PHRF1: variants seen among roughly 807,000 people sequenced by gnomAD.
The protein encoded by PHRF1 is PHD and ring finger domains 1.
A neutral mutation model predicts 128.9 loss-of-function variants in PHRF1; 53 were observed. The observed-to-expected ratio is 0.41, with a 90% CI of 0.33 to 0.52. The LOEUF is 0.52. Ranked by LOEUF, PHRF1 falls within the 20% of genes least tolerant of loss-of-function variation. The pLI is 0.21. For synonymous variants in PHRF1, 1,178 were observed against 980.6 expected (o/e 1.20, Z -3.76); for missense variants, 2,503 against 2,284.5 (o/e 1.10, Z -1.95).
Position 598,660 on chromosome 11 carries a change from C to G in PHRF1, c.1024+158C>G, listed in dbSNP as rs1007280335. Among the ~76,000 whole-genome samples the G allele has an allele frequency of 3.3e-5, 5 of 152,196 alleles. No homozygotes were observed. In the South Asian group the frequency reaches 6.2e-4, roughly 19 times the overall value. ...CACTACACAGAAGCCGCGCCGGGCC[C>G]GGGAGGTGTGGGTCTGATGTGCCGA... is the stretch of plus-strand genomic sequence containing the variant. On this transcript the variant is annotated intron_variant, in intron 9 of 17. Transcript: ENST00000264555.
intron 4 of PHRF1, among the ~76,000 whole-genome samples, chr11:590,024 G>A (rs1248372292): frequency 2.0e-5 from 3 of 150,998 alleles, no homozygotes; most frequent in Non-Finnish European, 4.4e-5. Context: ...GTCTGTAAAC[G>A]GGCATGGAGC....
chr11:581,846 A>T, intron 2 of PHRF1, 116 bp from the exon 3 acceptor site: 4 of 1,406,352 alleles, frequency 2.8e-6, no homozygotes, highest in South Asian at 3.0e-5. Flanking sequence ...GCCCTGGGGA[A>T]GCCGTTAGCC....
chr11:608,560 C>T lies in PHRF1; in HGVS notation c.3104C>T (p.Pro1035Leu), dbSNP rs1856115183. 2.5e-6 allele frequency: 4 copies of T among 1,612,330 alleles called. No individual in the cohort carries two copies. The highest frequency in any genetic ancestry group is 1.3e-5 in the African/African-American group (1 of 75,044). The change falls in exon 14 of 18, where the codon CCA (proline) becomes CTA (leucine). Residue 1035 changes from proline to leucine, a missense_variant. By Grantham distance (98) the Pro-to-Leu change is moderately conservative. Coordinates refer to ENST00000264555, the MANE Select transcript of PHRF1 (RefSeq NM_001286581.2). ...GACAGGAGCTCGAGGTCAGCGTCAC[C>T]ATCAGTGGGTGAGGAGCGCCCCAGG... is the stretch of plus-strand genomic sequence containing the variant. ...SRDRSSRSAS[P>L]SVGEERPRRQ...
chr11:592,546 G>A lies in PHRF1; in HGVS notation c.505-13G>A, dbSNP rs190497170. The A allele has an allele frequency of 1.1e-5, 17 of 1,613,216 alleles. No individual in the cohort carries two copies. Among genetic ancestry groups the A allele is most frequent in the African/African-American group, 4.0e-5 (3 of 75,048 alleles). ...TGGGTCCTGTGTGGTGGTGACCGAC[G>A]ATTCTGTCCTAGATCCCAGTGGAGA... On this transcript the variant is annotated splice_polypyrimidine_tract_variant and intron_variant, in intron 5 of 17. Transcript: ENST00000264555.
Position 611,080 on chromosome 11 carries a change from A to G in PHRF1, c.4804A>G (p.Lys1602Glu). 1 of 1,612,720 alleles carries G rather than the reference A, an allele frequency of 6.2e-7. No individual in the cohort carries two copies. Among genetic ancestry groups the G allele is most frequent in the Non-Finnish European group, 8.5e-7 (1 of 1,179,636 alleles). The change falls in exon 17 of 18, where the codon AAG (lysine) becomes GAG (glutamate). Residue 1602 changes from lysine to glutamate, a missense_variant and splice_region_variant. Coordinates refer to ENST00000264555, the MANE Select transcript of PHRF1 (RefSeq NM_001286581.2). ...YKDILRKAVQ[K>E]ICHSKSGEIN... ...GGACATCCTGCGCAAGGCCGTGCAG[A>G]AGGTGGGCTGTGTGCGAGCCTGTGT...
rs941274077 is a variant in PHRF1 at position 610,443 on chromosome 11, C to G, written c.4417-58C>G. The G allele has an allele frequency of 1.9e-6, 3 of 1,564,374 alleles. No homozygotes were observed. In the African/African-American group the frequency reaches 4.1e-5, roughly 21 times the overall value. On this transcript the variant is annotated intron_variant, in intron 15 of 17. Coordinates refer to ENST00000264555, the MANE Select transcript of PHRF1 (RefSeq NM_001286581.2). ...AGGCTGGGGCTGAGGCCTCACAGCT[C>G]CTGGGCACAGAGCTGCTAGCTGTAG...
chr11:586,350 C>A (rs534906143), intron 3 of PHRF1, among the ~76,000 whole-genome samples: 3 of 152,354 alleles, frequency 2.0e-5, no homozygotes, highest in African/African-American at 7.2e-5. Context: ...CTGCTGCCTC[C>A]CTCGCAGCTC....
intron 8 of PHRF1, 121 bp from the exon 9 acceptor site, chr11:598,252 G>T: frequency 7.5e-7 from 1 of 1,333,428 alleles, no homozygotes; most frequent in Non-Finnish European, 9.9e-7. Flanking sequence ...AGTGGCGGGT[G>T]GGGAGGCTGT....
At chr11:610,848 G>C (rs1856339346) in intron 16 of PHRF1, 87 bp downstream of exon 16, 1 of 1,581,700 alleles carries the variant, frequency 6.3e-7, no homozygotes. Flanking sequence ...GGCGGAAGCT[G>C]GTCGCTGTGC....
rs1261148937 is a variant in PHRF1 at position 591,428 on chromosome 11, T to C, written c.465T>C (p.Ile155=). 6.2e-7 allele frequency: 1 copy of C among 1,609,842 alleles called. No individual in the cohort carries two copies. ...TTGATCGAACTCTATTTAAGTGCAT[T>C]TGTATTCGAGCTCAATTTGGTGGTA... The part of the protein sequence containing the change: ...CPVDRTLFKC[I]CIRAQFGGKI... Residue 155 remains isoleucine (I), a synonymous_variant, in exon 5 of 18, where the codon ATT becomes ATC. Transcript: ENST00000264555.
intron 6 of PHRF1, among the ~76,000 whole-genome samples, chr11:596,151 C>G (rs1265941606): frequency 6.6e-6 from 1 of 152,182 alleles, no homozygotes; most frequent in African/African-American, 2.4e-5. Context: ...AAATCATCAG[C>G]TTGACTCCCT....
rs751728744 is a variant in PHRF1, at chr11:609,018, C to T, written c.3562C>T (p.Arg1188Trp). The change falls in exon 14 of 18, where the codon CGG becomes TGG. Residue 1188 changes from arginine (R) to tryptophan (W), a missense_variant. Arg to Trp is a moderately radical substitution (Grantham distance 101). Coordinates refer to ENST00000264555, the MANE Select transcript of PHRF1 (RefSeq NM_001286581.2). ...PRSREKWPQT[R>W]SHSPERKGAV... ...GTCCCGTGAGAAGTGGCCGCAGACC[C>T]GGTCCCATTCCCCAGAGAGGAAGGG... 1.8e-5 allele frequency: 29 copies of T among 1,596,382 alleles called. No homozygotes were observed. The highest frequency in any genetic ancestry group is 2.3e-5 in the East Asian group (1 of 44,114).
chr11:604,112 T>A (rs765099700), intron 10 of PHRF1, among the ~76,000 whole-genome samples: 3 of 152,254 alleles, frequency 2.0e-5, no homozygotes, highest in Non-Finnish European at 4.4e-5. Context: ...GATAAGGACC[T>A]GCTATTTCCC....
chr11:577,373 A>C (rs1853933731), intron 1 of PHRF1, among the ~76,000 whole-genome samples: 1 of 152,242 alleles, frequency 6.6e-6, no homozygotes, highest in Non-Finnish European at 1.5e-5. Context: ...GCAGAACAGC[A>C]GTCAGCTGGG....
rs1451833397 is a variant in PHRF1 at position 611,652 on chromosome 11, G to A, written c.4825G>A (p.Gly1609Arg). The A allele has an allele frequency of 1.2e-6, 2 of 1,613,028 alleles. No homozygotes were observed. The highest frequency in any genetic ancestry group is 2.2e-5 in the East Asian group (1 of 44,900). ...AVQKICHSKS[G>R]EINPVKVANL... ...TCTCCAGATCTGCCACAGCAAGAGT[G>A]GAGAGATCAACCCCGTGAAGGTGGC... The change falls in exon 18 of 18, where the codon GGA (glycine) becomes AGA (arginine). Residue 1609 changes from glycine to arginine, a missense_variant. Transcript: ENST00000264555.
intron 10 of PHRF1, among the ~76,000 whole-genome samples, chr11:601,941 TGAG>T (rs1211655270): frequency 6.6e-6 from 1 of 152,218 alleles, no homozygotes; most frequent in Non-Finnish European, 1.5e-5. Flanking sequence ...ACTGAGGGGT[TGAG>T]GGGTGGTCAT....
chr11:581,916 T>C, intron 2 of PHRF1, 46 bp from the exon 3 acceptor site: 1 of 1,529,426 alleles, frequency 6.5e-7, no homozygotes. Flanking sequence ...CTCTGCTGCA[T>C]GGTCTTGACG....
chr11:601,053 A>G lies in PHRF1; in HGVS notation c.1025-521A>G, dbSNP rs1855596735. Among the ~76,000 whole-genome samples the G allele has an allele frequency of 3.9e-5, 6 of 152,254 alleles. No individual in the cohort carries two copies. The South Asian group carries it at 1.2e-3, about 31-fold the overall frequency. On this transcript the variant is annotated intron_variant, in intron 9 of 17. Transcript: ENST00000264555. ...GTAATCCCAGCTACTTGGGAGGCTG[A>G]GGCAGGAGAATCGCTTGAACCCAGG...
In PHRF1 at chr11:590,012, G is replaced by A. The variant is rs1170025681; in HGVS notation, c.421-1372G>A. Reference sequence around the variant, plus strand: ...AGCGTGTGGGGCTCAGCCTCAGAGAGTGTCTGTAAACGGGCATGGAGCGTG... The same window carrying A: ...AGCGTGTGGGGCTCAGCCTCAGAGAATGTCTGTAAACGGGCATGGAGCGTG... On this transcript the variant is annotated intron_variant, in intron 4 of 17. Transcript: ENST00000264555. Among the ~76,000 whole-genome samples, 66 of 126,138 alleles carry A rather than the reference G, an allele frequency of 5.2e-4. 1 individual carries two copies. The highest frequency in any genetic ancestry group is 1.7e-3 in the African/African-American group (57 of 33,878). The allele number at this position is 126,138 out of a possible 152,430, so 82.8% of individuals were successfully genotyped here.
Sources: allele counts gnomAD v4.1 joint callset (sites outside exome capture counted in the v4.1 genomes callset), GRCh38; gene constraint gnomAD v4.1.1; transcripts MANE v1.5; gene names NCBI Gene and HGNC (gene_info 2026-07-23, HGNC 2026-07-21).